CA10: variants seen among roughly 807,000 people sequenced by gnomAD.
CA10 encodes carbonic anhydrase 10 (inactive), also known as carbonic anhydrase-related protein 10.
In CA10, 14 loss-of-function variants were observed where a neutral mutation model predicts 44.2. That is an observed-to-expected ratio of 0.32 (90% CI 0.21 to 0.50). The LOEUF (loss-of-function observed/expected upper bound fraction) is 0.50, where lower values mean the gene tolerates loss of function less well. CA10 is among the 20% of genes least tolerant of loss of function. The pLI, the probability that CA10 is intolerant of heterozygous loss-of-function variation, is 0.99. For synonymous variants in CA10, 159 were observed against 141.6 expected (o/e 1.12, Z -0.87); for missense variants, 350 against 409.7 (o/e 0.85, Z 1.26).
At chr17:51,878,143 C>CAAAAAA (rs558014863) in intron 3 of CA10, among the ~76,000 whole-genome samples, 958 of 62,474 alleles carry the variant, frequency 0.015, no homozygotes, top group East Asian at 0.026. Context: ...GACTCCGTCT[C>CAAAAAA]AAAAAAAAAA....
chr17:52,061,171 C>T (rs900764944), intron 2 of CA10, among the ~76,000 whole-genome samples: 9 of 152,098 alleles, frequency 5.9e-5, no homozygotes, highest in South Asian at 2.1e-4. Flanking sequence ...AAGGATCTTA[C>T]GATGGGGAGA....
At chr17:52,072,966 C>G (rs116233443) in intron 1 of CA10, among the ~76,000 whole-genome samples, 1,620 of 152,238 alleles carry the variant, frequency 0.011, 33 homozygotes, top group African/African-American at 0.037. Context: ...TGGAAAATAT[C>G]GTGGAGATCT....
At chr17:51,939,905 G>A (rs1201961225) in intron 2 of CA10, among the ~76,000 whole-genome samples, 1 of 151,932 alleles carries the variant, frequency 6.6e-6, no homozygotes. Flanking sequence ...TGTATGGTTG[G>A]ATTTGTTGAT....
intron 2 of CA10, among the ~76,000 whole-genome samples, chr17:51,982,061 A>G (rs1382793119): frequency 6.6e-6 from 1 of 152,018 alleles, no homozygotes; most frequent in African/African-American, 2.4e-5. Context: ...CTACATTCTT[A>G]ATCATGAAAT....
intron 1 of CA10, among the ~76,000 whole-genome samples, chr17:52,148,758 G>GA (rs1243986430): frequency 2.6e-5 from 4 of 151,482 alleles, no homozygotes; most frequent in African/African-American, 7.3e-5. Context: ...TGGGTAATGG[G>GA]AAAAAAAACA....
chr17:51,726,598 A>AT (rs1391416026), intron 4 of CA10, among the ~76,000 whole-genome samples: 3 of 152,214 alleles, frequency 2.0e-5, no homozygotes. Context: ...AAATATATAT[A>AT]AAAAAATCTG....
At chr17:51,878,017 G>A (rs1485405520) in intron 3 of CA10, among the ~76,000 whole-genome samples, 3 of 151,484 alleles carry the variant, frequency 2.0e-5, no homozygotes, top group Non-Finnish European at 4.4e-5. Context: ...GGTGGCACAC[G>A]TATGTAGTCC....
chr17:51,868,100 A>T (rs1458515176), intron 3 of CA10, among the ~76,000 whole-genome samples: 1 of 151,574 alleles, frequency 6.6e-6, no homozygotes, highest in Admixed American at 6.6e-5. Context: ...ACACACAAAG[A>T]TATTCTACTT....
intron 2 of CA10, among the ~76,000 whole-genome samples, chr17:52,046,859 A>G (rs1398460740): frequency 2.0e-5 from 3 of 151,954 alleles, no homozygotes; most frequent in Non-Finnish European, 4.4e-5. Flanking sequence ...AGTTCATCCC[A>G]GAAATAAAAG....
At chr17:52,092,660 T>G (rs1988298250) in intron 1 of CA10, among the ~76,000 whole-genome samples, 1 of 152,158 alleles carries the variant, frequency 6.6e-6, no homozygotes, top group African/African-American at 2.4e-5. Flanking sequence ...ATTCCTTTCC[T>G]GCCAGCTCTC....
chr17:52,050,293 T>G (rs1178974733), intron 2 of CA10, among the ~76,000 whole-genome samples: 1 of 152,106 alleles, frequency 6.6e-6, no homozygotes, highest in Non-Finnish European at 1.5e-5. Flanking sequence ...CTGTAGACAT[T>G]GTCTCCAAAA....
Position 52,093,637 on chromosome 17 carries a change from T to C in CA10, c.62-21244A>G, listed in dbSNP as rs113703076. Reference sequence around the variant, plus strand: ...ACTAAGAGAACCATACTTTTGTGTCTTCATTGTGCCCCTCTAAGAGAAGAT... The same window carrying C: ...ACTAAGAGAACCATACTTTTGTGTCCTCATTGTGCCCCTCTAAGAGAAGAT... On this transcript the variant is annotated intron_variant, in intron 1 of 8. Coordinates refer to ENST00000451037, the MANE Select transcript of CA10 (RefSeq NM_020178.5). 8.2e-4 allele frequency among the ~76,000 whole-genome samples: 125 copies of C among 152,304 alleles called. 1 individual carries two copies. Among genetic ancestry groups the C allele is most frequent in the African/African-American group, 2.9e-3 (122 of 41,570 alleles).
chr17:52,040,708 G>A (rs897658669), intron 2 of CA10, among the ~76,000 whole-genome samples: 15 of 152,028 alleles, frequency 9.9e-5, no homozygotes, highest in African/African-American at 3.6e-4. Context: ...GAATCCAGTA[G>A]CCTCACTGAG....
At chr17:51,964,109 A>T (rs1351084411) in intron 2 of CA10, among the ~76,000 whole-genome samples, 1 of 152,106 alleles carries the variant, frequency 6.6e-6, no homozygotes, top group Admixed American at 6.6e-5. Context: ...AGCAGTGGTC[A>T]GTATTCTTAA....
intron 5 of CA10, among the ~76,000 whole-genome samples, chr17:51,652,410 C>G (rs368628181): frequency 6.6e-6 from 1 of 152,218 alleles, no homozygotes; most frequent in Non-Finnish European, 1.5e-5. Flanking sequence ...TTTGAGATGT[C>G]ATGTCAAGTA....
intron 2 of CA10, among the ~76,000 whole-genome samples, chr17:52,041,342 T>C (rs1437937951): frequency 6.6e-6 from 1 of 151,898 alleles, no homozygotes. Context: ...GACAGAAACA[T>C]TGAGATTGCT....
At chr17:51,909,799 G>A (rs952648935) in intron 3 of CA10, among the ~76,000 whole-genome samples, 2 of 152,090 alleles carry the variant, frequency 1.3e-5, no homozygotes, top group African/African-American at 4.8e-5. Context: ...TCTCATCGAT[G>A]TTAACTGCAG....
chr17:51,759,145 C>T (rs967367245), intron 3 of CA10, among the ~76,000 whole-genome samples: 2 of 152,074 alleles, frequency 1.3e-5, no homozygotes, highest in Admixed American at 6.6e-5. Flanking sequence ...TGTTGGTTGT[C>T]TGGATCAATT....
intron 1 of CA10, among the ~76,000 whole-genome samples, chr17:52,116,480 C>A (rs1240567963): frequency 1.3e-5 from 2 of 152,124 alleles, no homozygotes; most frequent in Non-Finnish European, 2.9e-5. Flanking sequence ...GCAGATAATC[C>A]CTCCCTCAGG....
Sources: allele counts gnomAD v4.1 joint callset (sites outside exome capture counted in the v4.1 genomes callset), GRCh38; gene constraint gnomAD v4.1.1; transcripts MANE v1.5; gene names NCBI Gene and HGNC (gene_info 2026-07-23, HGNC 2026-07-21).